The following NFATC2 variants were observed in gnomAD, a reference collection of about 807,000 sequenced individuals.
The protein encoded by NFATC2 is nuclear factor of activated T-cells, cytoplasmic 2.
NFATC2 carries 22 observed loss-of-function variants against 87.3 expected under a neutral mutation model. The ratio of observed to expected loss-of-function variants is 0.25; its 90% confidence interval spans 0.18 to 0.36. The LOEUF is 0.36. Among genes scored for constraint, NFATC2 ranks in the 10% least tolerant of loss-of-function variants. The pLI is 1.00. For missense variants in NFATC2, 1,149 were observed against 1,259.1 expected (o/e 0.91, Z 1.32); for synonymous variants, 565 against 542.2 (o/e 1.04, Z -0.58).
intron 9 of NFATC2, among the ~76,000 whole-genome samples, chr20:51,428,071 G>T (rs576446691): frequency 6.6e-6 from 1 of 152,176 alleles, no homozygotes; most frequent in East Asian, 1.9e-4. Flanking sequence ...GGACAGAGAA[G>T]TCAAGGGTCA....
chr20:51,560,873 G>A (rs2077015063), intron 1 of NFATC2, among the ~76,000 whole-genome samples: 3 of 152,118 alleles, frequency 2.0e-5, no homozygotes, highest in Admixed American at 2.0e-4. Flanking sequence ...GGGGCACAGA[G>A]TTAGCAGCCT....
chr20:51,416,468 G>A (rs899569215), intron 9 of NFATC2, among the ~76,000 whole-genome samples: 2 of 152,174 alleles, frequency 1.3e-5, no homozygotes, highest in Non-Finnish European at 2.9e-5. Flanking sequence ...CCTCAAACAG[G>A]AAGCCATGAT....
intron 10 of NFATC2, among the ~76,000 whole-genome samples, chr20:51,396,576 T>C (rs553144572): frequency 3.3e-5 from 5 of 152,084 alleles, no homozygotes; most frequent in Non-Finnish European, 5.9e-5. Flanking sequence ...CACGAGAGCC[T>C]GGGCCCAGCC....
At chr20:51,400,865 C>G (rs1987960061) in intron 9 of NFATC2, among the ~76,000 whole-genome samples, 1 of 151,860 alleles carries the variant, frequency 6.6e-6, no homozygotes, top group African/African-American at 2.4e-5. Flanking sequence ...GGGTAGAGAC[C>G]AGATGTGGCC....
intron 1 of NFATC2, among the ~76,000 whole-genome samples, chr20:51,538,234 A>C (rs893024295): frequency 2.7e-4 from 41 of 152,358 alleles, no homozygotes; most frequent in Middle Eastern, 3.4e-3. Flanking sequence ...TAATACACCA[A>C]GTGGAGTCCA....
intron 3 of NFATC2, among the ~76,000 whole-genome samples, chr20:51,497,813 C>T (rs1170971353): frequency 6.6e-6 from 1 of 151,968 alleles, no homozygotes; most frequent in African/African-American, 2.4e-5. Context: ...GAAAGGGACC[C>T]GGGACCCCCA....
chr20:51,452,343 C>T (rs574768594), intron 6 of NFATC2, among the ~76,000 whole-genome samples: 17 of 152,302 alleles, frequency 1.1e-4, no homozygotes, highest in African/African-American at 4.1e-4. Flanking sequence ...GTGACAGCTC[C>T]TCCTCTGCCA....
intron 9 of NFATC2, among the ~76,000 whole-genome samples, chr20:51,428,441 C>G (rs747629816): frequency 1.1e-4 from 17 of 152,202 alleles, no homozygotes; most frequent in Non-Finnish European, 1.5e-4. Context: ...GAAAACGTCT[C>G]AAGTACTCGG....
chr20:51,432,736 G>T lies in NFATC2; in HGVS notation c.2053C>A (p.Pro685Thr). 1 of 1,582,474 alleles carries T rather than the reference G, an allele frequency of 6.3e-7. No individual in the cohort carries two copies. The highest frequency in any genetic ancestry group is 8.5e-7 in the Non-Finnish European group (1 of 1,172,388). ...YHPVPAIKTEPTDEYDPTLIC... is the reference protein window; with the variant it reads ...YHPVPAIKTETTDEYDPTLIC... Reference sequence around the variant, plus strand: ...AGAGTGGGGTCATATTCATCCGTGGGCTCCGTCTTGATGGCTGGGACTGGG... The same window carrying T: ...AGAGTGGGGTCATATTCATCCGTGGTCTCCGTCTTGATGGCTGGGACTGGG... Residue 685 changes from proline (P) to threonine (T), a missense_variant, in exon 9 of 11, where the codon CCC (proline) becomes ACC (threonine). Around this residue, in one of 3 missense-constraint regions of NFATC2, gnomAD observed 581 missense variants for 649.7 expected, o/e 0.89. Transcript: ENST00000371564. This position sits in a 1 kb window ranked among gnomAD's most constrained non-coding sequence, Gnocchi z 4.6.
At chr20:51,404,373 TAG>T (rs1988351666) in intron 9 of NFATC2, among the ~76,000 whole-genome samples, 1 of 152,256 alleles carries the variant, frequency 6.6e-6, no homozygotes, top group African/African-American at 2.4e-5. Context: ...CTAAGGCTTT[TAG>T]AGAGAATCTG....
At chr20:51,550,405 A>G (rs1430000359) in intron 1 of NFATC2, among the ~76,000 whole-genome samples, 2 of 152,098 alleles carry the variant, frequency 1.3e-5, no homozygotes, top group East Asian at 3.9e-4. Context: ...AGCCTGGCCA[A>G]TGTGGTGAAA....
intron 5 of NFATC2, among the ~76,000 whole-genome samples, chr20:51,461,249 C>T (rs1481305590): frequency 5.3e-5 from 8 of 152,218 alleles, no homozygotes; most frequent in Admixed American, 5.2e-4. Context: ...GTGGGCCTCC[C>T]AGGCTTGCAC....
rs747362160 is a variant in NFATC2, at chr20:51,475,618, A to G, written c.1375T>C (p.Phe459Leu). The G allele has an allele frequency of 6.2e-7, 1 of 1,614,106 alleles. No individual in the cohort carries two copies. The highest frequency in any genetic ancestry group is 8.5e-7 in the Non-Finnish European group (1 of 1,180,012). Residue 459 changes from phenylalanine (F) to leucine (L), a missense_variant, in exon 4 of 11, where the codon TTC (phenylalanine) becomes CTC (leucine). By Grantham distance (22) the Phe-to-Leu change is conservative. Around this residue, in one of 3 missense-constraint regions of NFATC2, gnomAD observed 581 missense variants for 649.7 expected, o/e 0.89. Coordinates refer to ENST00000371564, the MANE Select transcript of NFATC2 (RefSeq NM_012340.5). ...ATCCGCTCATCAGCTGTCCCAATGA[A>G]GATCTGAAGTCCCAGAGGCTTGTTT... ...MENKPLGLQI[F>L]IGTADERILK...
At chr20:51,542,843 T>C, upstream of NFATC2, 1 of 530,608 alleles carries the variant, frequency 1.9e-6, no homozygotes, top group Non-Finnish European at 2.4e-6. Flanking sequence ...GCGCGCGGCC[T>C]GGGCTGGCCG....
chr20:51,531,221 G>A (rs1013118025), intron 1 of NFATC2, among the ~76,000 whole-genome samples: 1 of 152,178 alleles, frequency 6.6e-6, no homozygotes, highest in South Asian at 2.1e-4. Flanking sequence ...GCCCCAGCAT[G>A]GCACAGGAGG....
intron 1 of NFATC2, among the ~76,000 whole-genome samples, chr20:51,540,013 C>T (rs914110309): frequency 2.0e-5 from 3 of 152,024 alleles, no homozygotes; most frequent in African/African-American, 7.2e-5. Context: ...GGATAGTATA[C>T]TTTTTGTTGT....
intron 3 of NFATC2, among the ~76,000 whole-genome samples, chr20:51,506,196 G>T (rs747203473): frequency 2.0e-5 from 3 of 152,202 alleles, no homozygotes; most frequent in Non-Finnish European, 4.4e-5. Flanking sequence ...CTCGGCCAGG[G>T]TCAGCCTGCT....
rs549215030 is a variant in NFATC2, at chr20:51,441,870, G to A, written c.1850-6109C>T. 4.6e-5 allele frequency among the ~76,000 whole-genome samples: 7 copies of A among 152,302 alleles called. No individual in the cohort carries two copies. In the South Asian group the frequency reaches 1.2e-3, roughly 27 times the overall value. ...CTATGATTTTAGAATTTGGAGTCTT[G>A]CATTGTTCTGATTCCAGTAAAAAAG... is the stretch of plus-strand genomic sequence containing the variant. On this transcript the variant is annotated intron_variant, in intron 6 of 10. Coordinates refer to ENST00000371564, the MANE Select transcript of NFATC2 (RefSeq NM_012340.5).
intron 3 of NFATC2, among the ~76,000 whole-genome samples, chr20:51,514,601 G>A (rs1003698495): frequency 6.6e-6 from 1 of 152,178 alleles, no homozygotes; most frequent in African/African-American, 2.4e-5. Context: ...GGCCAGGCAC[G>A]GTGGCTCACG....
Sources: gnomAD v4.1 joint callset for allele counts (sites outside exome capture counted in the v4.1 genomes callset) on GRCh38, gnomAD v4.1.1 for gene constraint, gnomAD v4.1.1 regional missense constraint, Gnocchi (gnomAD v3.1) non-coding constraint, MANE v1.5 for transcripts, NCBI Gene and HGNC (gene_info 2026-07-23, HGNC 2026-07-21) for gene names.